MALRD1: variants seen among roughly 807,000 people sequenced by gnomAD.
The protein encoded by MALRD1 is MAM and LDL receptor class A domain containing 1.
Under a neutral mutation model 242.1 loss-of-function variants are expected in MALRD1, and 247 were observed. The observed-to-expected ratio is 1.02, with a 90% CI of 0.92 to 1.13. The LOEUF (loss-of-function observed/expected upper bound fraction) is 1.13. Among genes scored for constraint, MALRD1 ranks in the 50% most tolerant of loss-of-function variants. The pLI is 0.00. For synonymous variants in MALRD1, 995 were observed against 866.6 expected (o/e 1.15, Z -2.60); for missense variants, 2,989 against 2,533.1 (o/e 1.18, Z -3.86).
At chr10:19,719,215 C>CACATATATATATATATATAT (rs1834597824) in intron 38 of MALRD1, among the ~76,000 whole-genome samples, 8 of 84,294 alleles carry the variant, frequency 9.5e-5, no homozygotes, top group African/African-American at 4.1e-4. Context: ...TATATATACA[C>CACATATATATATATATATAT]ATACATACAT....
chr10:19,536,863 GAA>G (rs1185383540), intron 32 of MALRD1, among the ~76,000 whole-genome samples: 1 of 152,128 alleles, frequency 6.6e-6, no homozygotes, highest in Non-Finnish European at 1.5e-5. Flanking sequence ...GAGCAAATAA[GAA>G]AGTTTCCTGT....
intron 18 of MALRD1, among the ~76,000 whole-genome samples, chr10:19,229,491 G>A (rs567895993): frequency 5.9e-5 from 9 of 152,058 alleles, no homozygotes; most frequent in African/African-American, 1.9e-4. Flanking sequence ...TCCTGGTTCC[G>A]CTGGCTGATC....
chr10:19,610,080 A>G (rs1838826345), intron 35 of MALRD1, among the ~76,000 whole-genome samples: 1 of 151,892 alleles, frequency 6.6e-6, no homozygotes, highest in Admixed American at 6.6e-5. Context: ...TATTATTATT[A>G]TTTTTATTTG....
chr10:19,524,344 G>A (rs1002668255), intron 31 of MALRD1, among the ~76,000 whole-genome samples: 16 of 152,098 alleles, frequency 1.1e-4, no homozygotes, highest in Non-Finnish European at 7.4e-5. Flanking sequence ...GGGCGTGGTG[G>A]TGCGTGCCTG....
At chr10:19,424,492 T>C (rs988955198) in intron 28 of MALRD1, among the ~76,000 whole-genome samples, 8 of 152,302 alleles carry the variant, frequency 5.3e-5, no homozygotes, top group Non-Finnish European at 1.2e-4. Context: ...CTTAACTAAG[T>C]TCAGTTCTAA....
At chr10:19,467,916 C>G (rs1321470280) in intron 29 of MALRD1, among the ~76,000 whole-genome samples, 1 of 152,044 alleles carries the variant, frequency 6.6e-6, no homozygotes. Context: ...GCTTCAGCCT[C>G]CCGAGCAGCT....
At chr10:19,527,129 G>A (rs893514924) in intron 31 of MALRD1, among the ~76,000 whole-genome samples, 1 of 151,828 alleles carries the variant, frequency 6.6e-6, no homozygotes, top group African/African-American at 2.4e-5. Context: ...TACTTGAAAT[G>A]TTGTTAGGTA....
chr10:19,596,158 T>A (rs767015415), intron 34 of MALRD1, among the ~76,000 whole-genome samples: 10 of 152,300 alleles, frequency 6.6e-5, no homozygotes, highest in Non-Finnish European at 1.0e-4. Flanking sequence ...ATTTTTAGTA[T>A]AATTAGCCAG....
chr10:19,538,052 A>G (rs1372290602), intron 32 of MALRD1, among the ~76,000 whole-genome samples: 2 of 152,228 alleles, frequency 1.3e-5, no homozygotes, highest in Non-Finnish European at 1.5e-5. Flanking sequence ...GCATATCTAA[A>G]TTTTATTAGC....
chr10:19,662,232 A>G (rs571688797), intron 36 of MALRD1, among the ~76,000 whole-genome samples: 1 of 152,296 alleles, frequency 6.6e-6, no homozygotes, highest in South Asian at 2.1e-4. Flanking sequence ...AATTGAATAC[A>G]CATAAATTAA....
At chr10:19,477,748 T>C (rs1836806302) in intron 29 of MALRD1, among the ~76,000 whole-genome samples, 1 of 152,200 alleles carries the variant, frequency 6.6e-6, no homozygotes. Flanking sequence ...AGGCAGTGTC[T>C]GATTTACACA....
chr10:19,444,842 T>C (rs1343444098), intron 28 of MALRD1, among the ~76,000 whole-genome samples: 1 of 152,188 alleles, frequency 6.6e-6, no homozygotes, highest in Admixed American at 6.5e-5. Flanking sequence ...TCTCCTGAAT[T>C]TGAATGTTGG....
chr10:19,260,092 G>A (rs1028050859), intron 19 of MALRD1, among the ~76,000 whole-genome samples: 5 of 152,036 alleles, frequency 3.3e-5, no homozygotes, highest in Non-Finnish European at 5.9e-5. Context: ...ATATACTCTC[G>A]TTATATATTT....
intron 19 of MALRD1, among the ~76,000 whole-genome samples, chr10:19,270,838 A>ACACACACACACACACG (rs1260066166): frequency 6.6e-6 from 1 of 151,502 alleles, no homozygotes; most frequent in Non-Finnish European, 1.5e-5. Flanking sequence ...ACACACACAC[A>ACACACACACACACACG]CACACGCACA....
At chr10:19,214,620 G>C (rs181137950) in intron 18 of MALRD1, among the ~76,000 whole-genome samples, 5 of 152,292 alleles carry the variant, frequency 3.3e-5, no homozygotes, top group Admixed American at 3.3e-4. Context: ...AAGTTAAAGG[G>C]TAAACATTGA....
chr10:19,674,967 TA>T (rs1403701777), intron 36 of MALRD1, among the ~76,000 whole-genome samples: 2 of 151,430 alleles, frequency 1.3e-5, no homozygotes, highest in Non-Finnish European at 2.9e-5. Flanking sequence ...GACATTTTTT[TA>T]AAAAAACTTT....
intron 21 of MALRD1, among the ~76,000 whole-genome samples, chr10:19,284,407 C>G (rs1238558843): frequency 2.5e-5 from 3 of 121,654 alleles, no homozygotes. Flanking sequence ...CCCCCTCCCC[C>G]CACCCCACCA....
At position 19,589,289 on chromosome 10, in the gene MALRD1, C is replaced by CTA. The variant is rs35036431; in HGVS notation, c.5681-5892_5681-5891dup. Reference sequence around the variant, plus strand: ...ATTAGTGTGTATAAATAAAGTATGTCTATATATATATATAGCTGTATATAT... The same window carrying CTA: ...ATTAGTGTGTATAAATAAAGTATGTCTATATATATATATATAGCTGTATATAT... On this transcript the variant is annotated intron_variant, in intron 33 of 39. Transcript: ENST00000454679. Among the ~76,000 whole-genome samples, 163 of 150,954 alleles carry CTA rather than the reference C, an allele frequency of 1.1e-3. 2 individuals carry two copies. The highest frequency in any genetic ancestry group is 1.6e-3 in the African/African-American group (66 of 41,102).
chr10:19,559,935 A>G (rs1055394246), intron 32 of MALRD1, among the ~76,000 whole-genome samples: 1 of 152,210 alleles, frequency 6.6e-6, no homozygotes, highest in Admixed American at 6.5e-5. Context: ...CAAAACCACA[A>G]TTATATATAC....
Sources: gnomAD v4.1 joint callset for allele counts (sites outside exome capture counted in the v4.1 genomes callset) on GRCh38, gnomAD v4.1.1 for gene constraint, MANE v1.5 for transcripts, NCBI Gene and HGNC (gene_info 2026-07-23, HGNC 2026-07-21) for gene names.